The following VWA8 variants were observed in gnomAD, a reference collection of about 807,000 sequenced individuals.
The protein encoded by VWA8 is von Willebrand factor A domain-containing protein 8.
VWA8 carries 221 observed loss-of-function variants against 241.5 expected under a neutral mutation model. That is an observed-to-expected ratio of 0.91 (90% CI 0.82 to 1.02). The LOEUF (loss-of-function observed/expected upper bound fraction) is 1.02, where lower values mean the gene tolerates loss of function less well. Among genes scored for constraint, VWA8 ranks in the 50% least tolerant of loss-of-function variants. The pLI, the probability that VWA8 is intolerant of heterozygous loss-of-function variation, is 0.00. For missense variants in VWA8, 2,322 were observed against 2,328.7 expected (o/e 1.00, Z 0.06); for synonymous variants, 852 against 827.1 (o/e 1.03, Z -0.52).
At chr13:41,796,323 C>T (rs1869700485) in intron 17 of VWA8, among the ~76,000 whole-genome samples, 1 of 152,106 alleles carries the variant, frequency 6.6e-6, no homozygotes, top group Non-Finnish European at 1.5e-5. Context: ...AATAAAACCA[C>T]TCAGGAATGG....
intron 17 of VWA8, among the ~76,000 whole-genome samples, chr13:41,791,301 A>T (rs905448411): frequency 3.9e-5 from 6 of 152,014 alleles, no homozygotes; most frequent in African/African-American, 9.6e-5. Flanking sequence ...AGGGTCATGG[A>T]GTGATTACAA....
At chr13:41,954,561 C>A (rs771846779) in intron 1 of VWA8, among the ~76,000 whole-genome samples, 2 of 152,212 alleles carry the variant, frequency 1.3e-5, no homozygotes, top group Non-Finnish European at 2.9e-5. Context: ...AAATTGATCA[C>A]TCCATTAGTC....
At chr13:41,722,651 C>G (rs1004072262) in intron 24 of VWA8, among the ~76,000 whole-genome samples, 3 of 152,088 alleles carry the variant, frequency 2.0e-5, no homozygotes, top group African/African-American at 7.2e-5. Context: ...TTCATTTACT[C>G]ATCAAATAAT....
chr13:41,842,508 T>C (rs1405385155), intron 12 of VWA8, among the ~76,000 whole-genome samples: 1 of 152,224 alleles, frequency 6.6e-6, no homozygotes, highest in Admixed American at 6.5e-5. Flanking sequence ...GTTGTATGTG[T>C]GGTAAGCACT....
intron 14 of VWA8, among the ~76,000 whole-genome samples, chr13:41,821,290 G>A (rs1042854358): frequency 7.2e-5 from 11 of 152,244 alleles, no homozygotes; most frequent in Admixed American, 7.2e-4. Context: ...CAGTTTCTAA[G>A]ACAGCTGATA....
At chr13:41,843,383 G>C (rs1872142415) in intron 12 of VWA8, among the ~76,000 whole-genome samples, 1 of 152,016 alleles carries the variant, frequency 6.6e-6, no homozygotes, top group Non-Finnish European at 1.5e-5. Flanking sequence ...CTTAAATCAA[G>C]AAGTTAGAAA....
intron 43 of VWA8, among the ~76,000 whole-genome samples, chr13:41,573,486 A>AAAATAAATAAATAAATAAATATATATAT: frequency 2.6e-5 from 3 of 113,598 alleles, no homozygotes; most frequent in African/African-American, 1.0e-4. Flanking sequence ...AAAAAAAAAA[A>AAAATAAATAAATAAATAAATATATATAT]ATATATATAT....
In VWA8 at chr13:41,690,231, C is replaced by A; in HGVS notation, c.3911G>T (p.Ser1304Ile). The A allele has an allele frequency of 6.2e-7, 1 of 1,612,776 alleles. No individual in the cohort carries two copies. Among genetic ancestry groups the A allele is most frequent in the South Asian group, 1.1e-5 (1 of 91,050 alleles). ...CAGCACATACAACTGGCAAACCCCA[C>A]TACCCTCAGATTCGATGTGTGCAGG... Reference protein sequence around the residue: ...TKPAHIESEGSGVCQLYVLKE... With the variant: ...TKPAHIESEGIGVCQLYVLKE... The change falls in exon 33 of 45, where the codon AGT becomes ATT. Residue 1304 changes from serine (S) to isoleucine (I), a missense_variant. Ser to Ile is a moderately radical substitution (Grantham distance 142). Coordinates refer to ENST00000379310, the MANE Select transcript of VWA8 (RefSeq NM_015058.2).
At chr13:41,650,597 A>G (rs2044863040) in intron 37 of VWA8, among the ~76,000 whole-genome samples, 1 of 152,236 alleles carries the variant, frequency 6.6e-6, no homozygotes, top group South Asian at 2.1e-4. Context: ...AAATAGCCAA[A>G]TTAATTGTAC....
At chr13:41,838,293 T>A (rs943054814) in intron 12 of VWA8, among the ~76,000 whole-genome samples, 1 of 152,160 alleles carries the variant, frequency 6.6e-6, no homozygotes, top group Non-Finnish European at 1.5e-5. Context: ...GTATCTAGAA[T>A]ATCATTAGAA....
At chr13:41,886,116 TA>T (rs2138078547) in intron 7 of VWA8, 88 bp from the exon 8 acceptor site, 3 of 889,902 alleles carry the variant, frequency 3.4e-6, no homozygotes, top group Non-Finnish European at 5.1e-6. Flanking sequence ...CCAATTTAAT[TA>T]ATCTAAAAAA....
chr13:41,720,020 A>C (rs932879), intron 25 of VWA8, among the ~76,000 whole-genome samples: 1 of 151,806 alleles, frequency 6.6e-6, no homozygotes, highest in Non-Finnish European at 1.5e-5. Flanking sequence ...GGTGTCAGTG[A>C]TTGCCACTGC....
intron 2 of VWA8, among the ~76,000 whole-genome samples, chr13:41,942,440 T>C (rs1877643357): frequency 1.3e-5 from 2 of 152,146 alleles, no homozygotes; most frequent in Non-Finnish European, 2.9e-5. Context: ...AAGGAAAGAA[T>C]AGACCCGCAG....
chr13:41,599,222 C>G (rs1279613063), intron 40 of VWA8, among the ~76,000 whole-genome samples: 1 of 152,094 alleles, frequency 6.6e-6, no homozygotes, highest in African/African-American at 2.4e-5. Context: ...AGACTTAAGA[C>G]TGGATGGAGT....
intron 26 of VWA8, among the ~76,000 whole-genome samples, chr13:41,707,616 G>C (rs1346922193): frequency 6.6e-6 from 1 of 152,146 alleles, no homozygotes; most frequent in Admixed American, 6.5e-5. Flanking sequence ...ATTAAGTTGA[G>C]TTGTCCAACA....
intron 2 of VWA8, among the ~76,000 whole-genome samples, chr13:41,930,709 A>G (rs893876070): frequency 6.6e-6 from 1 of 152,210 alleles, no homozygotes; most frequent in African/African-American, 2.4e-5. Context: ...CGTGTATAAG[A>G]TATACATTAA....
intron 37 of VWA8, among the ~76,000 whole-genome samples, chr13:41,636,869 C>T (rs1170250303): frequency 6.6e-6 from 1 of 151,990 alleles, no homozygotes; most frequent in African/African-American, 2.4e-5. Flanking sequence ...AATGAGATAC[C>T]ATCTCACACC....
At chr13:41,718,638 C>T (rs888846045) in intron 26 of VWA8, among the ~76,000 whole-genome samples, 1 of 151,556 alleles carries the variant, frequency 6.6e-6, no homozygotes, top group Non-Finnish European at 1.5e-5. Context: ...TATATCCTGA[C>T]AAGTTTTTAT....
intron 29 of VWA8, among the ~76,000 whole-genome samples, chr13:41,694,697 G>T (rs910600129): frequency 6.6e-6 from 1 of 152,000 alleles, no homozygotes; most frequent in African/African-American, 2.4e-5. Context: ...AGCAATTTGG[G>T]ATAATATTAG....
Sources: allele counts gnomAD v4.1 joint callset (sites outside exome capture counted in the v4.1 genomes callset), GRCh38; gene constraint gnomAD v4.1.1; transcripts MANE v1.5; gene names NCBI Gene and HGNC (gene_info 2026-07-23, HGNC 2026-07-21).